DTWD2: variants seen among roughly 807,000 people sequenced by gnomAD.
DTWD2 encodes tRNA-uridine aminocarboxypropyltransferase 2.
In DTWD2, 39 loss-of-function variants were observed where a neutral mutation model predicts 31.8. That is an observed-to-expected ratio of 1.22 (90% CI 0.95 to 1.60). DTWD2 has a LOEUF of 1.60. Among genes scored for constraint, DTWD2 ranks in the 40% most tolerant of loss-of-function variants. DTWD2 has a pLI of 0.00. For missense variants in DTWD2, 515 were observed against 381.5 expected (o/e 1.35, Z -2.92); for synonymous variants, 180 against 142.8 (o/e 1.26, Z -1.86).
At chr5:118,905,757 G>C (rs182620904) in intron 4 of DTWD2, among the ~76,000 whole-genome samples, 70 of 152,132 alleles carry the variant, frequency 4.6e-4, no homozygotes, top group East Asian at 3.1e-3. Context: ...AACCAGAAAG[G>C]CTTTAAAATT....
chr5:118,898,378 C>G (rs1033835831), intron 4 of DTWD2, among the ~76,000 whole-genome samples: 3 of 151,796 alleles, frequency 2.0e-5, no homozygotes, highest in African/African-American at 7.3e-5. Flanking sequence ...AATTTTATGG[C>G]CGAGCACAGT....
At chr5:118,864,136 T>C (rs1752328817) in intron 4 of DTWD2, among the ~76,000 whole-genome samples, 1 of 77,138 alleles carries the variant, frequency 1.3e-5, no homozygotes. Flanking sequence ...AACCCAAATG[T>C]CCAACAATGA....
At chr5:118,935,921 T>A (rs1246875642) in intron 3 of DTWD2, among the ~76,000 whole-genome samples, 1 of 152,212 alleles carries the variant, frequency 6.6e-6, no homozygotes, top group Non-Finnish European at 1.5e-5. Flanking sequence ...TAACACTACA[T>A]CTGACAACTG....
chr5:118,916,659 C>G (rs570170796), intron 4 of DTWD2, among the ~76,000 whole-genome samples: 2 of 138,906 alleles, frequency 1.4e-5, no homozygotes, highest in African/African-American at 5.3e-5. Context: ...AAGTGAAACT[C>G]TGTCCCAAAA....
At chr5:118,935,182 A>C (rs1376879009) in intron 3 of DTWD2, among the ~76,000 whole-genome samples, 2 of 152,222 alleles carry the variant, frequency 1.3e-5, no homozygotes, top group Non-Finnish European at 2.9e-5. Context: ...GTAGTGCACC[A>C]GGGAAGGCAT....
intron 5 of DTWD2, among the ~76,000 whole-genome samples, chr5:118,842,141 A>C (rs1169366065): frequency 6.6e-6 from 1 of 152,106 alleles, no homozygotes; most frequent in Non-Finnish European, 1.5e-5. Flanking sequence ...AAAAGGGCTT[A>C]ATAGCTTTAA....
chr5:118,896,461 G>C (rs542006586), intron 4 of DTWD2, among the ~76,000 whole-genome samples: 45 of 131,026 alleles, frequency 3.4e-4, no homozygotes, highest in Non-Finnish European at 5.2e-4. Context: ...TCTCTGAGGA[G>C]GATAGAAAAA....
chr5:118,857,221 A>G (rs545468429), intron 4 of DTWD2, among the ~76,000 whole-genome samples: 88 of 152,018 alleles, frequency 5.8e-4, no homozygotes, highest in Non-Finnish European at 1.0e-3. Flanking sequence ...TTTCCTATTC[A>G]TGTGTGTGGG....
At chr5:118,875,856 C>A (rs762334710) in intron 4 of DTWD2, among the ~76,000 whole-genome samples, 1 of 152,136 alleles carries the variant, frequency 6.6e-6, no homozygotes, top group Non-Finnish European at 1.5e-5. Context: ...CTGGATCGAA[C>A]GGACCCAACG....
chr5:118,915,116 T>C (rs1002632281), intron 4 of DTWD2, among the ~76,000 whole-genome samples: 5 of 151,654 alleles, frequency 3.3e-5, no homozygotes, highest in East Asian at 1.9e-4. Flanking sequence ...ACTTAGGAGG[T>C]TGAGGCATGA....
intron 2 of DTWD2, 24 bp from the exon 3 acceptor site, chr5:118,939,314 A>C: frequency 6.5e-7 from 1 of 1,545,140 alleles, no homozygotes; most frequent in Non-Finnish European, 8.7e-7. Context: ...ATGAATTGAA[A>C]CATAGATTTT....
chr5:118,919,506 A>T (rs1483615212), intron 4 of DTWD2, among the ~76,000 whole-genome samples: 2 of 152,256 alleles, frequency 1.3e-5, no homozygotes, highest in African/African-American at 2.4e-5. Context: ...AGGCATGTGT[A>T]CCATTCATAC....
intron 1 of DTWD2, among the ~76,000 whole-genome samples, chr5:118,971,010 C>A (rs1027045978): frequency 5.9e-5 from 9 of 152,188 alleles, no homozygotes; most frequent in African/African-American, 2.2e-4. Flanking sequence ...AAGGAAAAAT[C>A]ATTACCAGTC....
At chr5:118,914,485 T>C (rs1753530912) in intron 4 of DTWD2, among the ~76,000 whole-genome samples, 1 of 152,224 alleles carries the variant, frequency 6.6e-6, no homozygotes, top group South Asian at 2.1e-4. Flanking sequence ...AATTATATTA[T>C]TTACTTATTT....
intron 2 of DTWD2, 126 bp from the exon 3 acceptor site, chr5:118,939,416 C>A: frequency 1.3e-6 from 1 of 784,834 alleles, no homozygotes; most frequent in Non-Finnish European, 1.8e-6. Flanking sequence ...CTAAAGACCA[C>A]AGTTTAATAA....
At chr5:118,976,304 A>C (rs1755157410) in intron 1 of DTWD2, among the ~76,000 whole-genome samples, 1 of 152,212 alleles carries the variant, frequency 6.6e-6, no homozygotes, top group South Asian at 2.1e-4. Flanking sequence ...AAACAAATTC[A>C]AAAGCTAGCA....
chr5:118,848,200 T>C lies in DTWD2; in HGVS notation c.616A>G (p.Ile206Val). ...ATCCGAATTACATACTGACTAGAAA[T>C]GCTAGTTTTTAATTGCACCTGAAAT... is the stretch of plus-strand genomic sequence containing the variant. The part of the protein sequence containing the change: ...HPKQVQLKTS[I>V]SSQYVIRMQP... The change falls in exon 5 of 6, where the codon ATT becomes GTT. Residue 206 changes from isoleucine (I) to valine (V), a missense_variant. Physicochemically the swap from Ile to Val is conservative, Grantham distance 29 (BLOSUM62 3). Coordinates refer to ENST00000510708, the MANE Select transcript of DTWD2 (RefSeq NM_173666.4). 3.1e-6 allele frequency: 5 copies of C among 1,596,122 alleles called. No individual in the cohort carries two copies. Among genetic ancestry groups the C allele is most frequent in the Non-Finnish European group, 4.3e-6 (5 of 1,173,734 alleles).
At chr5:118,942,084 T>A (rs1275233735) in intron 2 of DTWD2, among the ~76,000 whole-genome samples, 1 of 152,234 alleles carries the variant, frequency 6.6e-6, no homozygotes, top group Non-Finnish European at 1.5e-5. Flanking sequence ...TATTAGCCCT[T>A]TTTCAGATGA....
rs575852847 is a variant in DTWD2, at chr5:118,929,913, G to A, written c.405-1184C>T. 9.5e-4 allele frequency among the ~76,000 whole-genome samples: 145 copies of A among 152,202 alleles called. 1 individual carries two copies. The highest frequency in any genetic ancestry group is 1.8e-3 in the Non-Finnish European group (122 of 68,012). ...TCTCTATGAAGGCTGCTATCGGTGC[G>A]GTTTCATCTGCATAACAAGACCACT... On this transcript the variant is annotated intron_variant, in intron 3 of 5. Transcript: ENST00000510708.
Sources: gnomAD v4.1 joint callset for allele counts (sites outside exome capture counted in the v4.1 genomes callset) on GRCh38, gnomAD v4.1.1 for gene constraint, MANE v1.5 for transcripts, NCBI Gene and HGNC (gene_info 2026-07-23, HGNC 2026-07-21) for gene names.